Variants in IFT172 observed in about 807,000 individuals in gnomAD.
IFT172 encodes the protein intraflagellar transport protein 172 homolog.
A neutral mutation model predicts 248.9 loss-of-function variants in IFT172; 164 were observed. That is an observed-to-expected ratio of 0.66 (90% CI 0.58 to 0.75). The LOEUF (loss-of-function observed/expected upper bound fraction) is 0.75. Among genes scored for constraint, IFT172 ranks in the 30% least tolerant of loss-of-function variants. The probability of loss-of-function intolerance (pLI) is 0.00; values close to 1 mark genes in which losing one functional copy is unlikely to be tolerated. For synonymous variants in IFT172, 729 were observed against 791.6 expected (o/e 0.92, Z 1.33); for missense variants, 1,950 against 2,192.4 (o/e 0.89, Z 2.21).
At chr2:27,465,973 CA>C in intron 16 of IFT172, 91 bp from the exon 17 acceptor site, 1 of 1,480,768 alleles carries the variant, frequency 6.8e-7, no homozygotes, top group Non-Finnish European at 9.4e-7. Context: ...CCGACCCAGT[CA>C]GTGGTCAAGA....
chr2:27,479,218 G>A (rs1355723133), intron 10 of IFT172, among the ~76,000 whole-genome samples: 1 of 152,086 alleles, frequency 6.6e-6, no homozygotes, highest in Non-Finnish European at 1.5e-5. Context: ...TATTAGCCAG[G>A]ATGGTCTCAA....
chr2:27,486,930 T>C (rs1668804666), intron 1 of IFT172, among the ~76,000 whole-genome samples: 1 of 152,018 alleles, frequency 6.6e-6, no homozygotes, highest in Non-Finnish European at 1.5e-5. Flanking sequence ...AGCACAACTA[T>C]CTTTGTTCTA....
chr2:27,471,114 G>A lies in IFT172; in HGVS notation c.1525-19C>T, dbSNP rs764463970. On this transcript the variant is annotated intron_variant, in intron 15 of 47. Transcript: ENST00000260570. ...GATGCAACTGAAGAAAGAAAAGGCA[G>A]GTAACACAATTACAAGGGGATGTGG... The A allele has an allele frequency of 1.1e-4, 174 of 1,604,708 alleles. No individual in the cohort carries two copies. The highest frequency in any genetic ancestry group is 1.1e-4 in the Non-Finnish European group (131 of 1,177,652).
intron 7 of IFT172, among the ~76,000 whole-genome samples, chr2:27,483,008 T>TTG (rs1426982982): frequency 1.3e-5 from 2 of 150,112 alleles, no homozygotes; most frequent in Non-Finnish European, 1.5e-5. Flanking sequence ...CATCTTTTTT[T>TTG]TTTTTTTTTT....
chr2:27,481,408 G>A, intron 7 of IFT172, 148 bp from the exon 8 acceptor site: 4 of 618,350 alleles, frequency 6.5e-6, no homozygotes, highest in South Asian at 3.8e-5. Flanking sequence ...TCCTAATCCT[G>A]AACTCTTCAC....
chr2:27,481,924 C>A (rs1210162209), intron 7 of IFT172, among the ~76,000 whole-genome samples: 2 of 151,728 alleles, frequency 1.3e-5, no homozygotes, highest in African/African-American at 4.8e-5. Context: ...TCTGGGCCCA[C>A]AAAGAGCATA....
Position 27,453,417 on chromosome 2 carries a change from T to G in IFT172, c.3918A>C (p.Gly1306=). The change falls in exon 35 of 48, where the codon GGA becomes GGC. Residue 1306 remains glycine, a synonymous_variant. Coordinates refer to ENST00000260570, the MANE Select transcript of IFT172 (RefSeq NM_015662.3). ...VDCYLKVRDS[G]NSGLAEKCWM... ...AGCACTTCTCCGCCAGGCCGCTGTTTCCAGAGTCTCGCACTTTGAGGTAGC... is the reference window on the plus strand; with the variant it reads ...AGCACTTCTCCGCCAGGCCGCTGTTGCCAGAGTCTCGCACTTTGAGGTAGC... The G allele has an allele frequency of 6.2e-7, 1 of 1,614,226 alleles. No individual in the cohort carries two copies. Among genetic ancestry groups the G allele is most frequent in the Non-Finnish European group, 8.5e-7 (1 of 1,180,032 alleles).
intron 1 of IFT172, among the ~76,000 whole-genome samples, chr2:27,486,783 G>A (rs952610346): frequency 1.3e-5 from 2 of 152,146 alleles, no homozygotes; most frequent in Non-Finnish European, 2.9e-5. Flanking sequence ...ATCTTATTTT[G>A]AGAGACTGAA....
At position 27,459,749 on chromosome 2, in the gene IFT172, T is replaced by C. The variant is rs571708583; in HGVS notation, c.2602A>G (p.Lys868Glu). ...TGATTAATGGCTGCATCAAGCTGCT[T>C]CTGCTGCACCAGGTGGTCCCCCCAT... ...EAWGDHLVQQ[K>E]QLDAAINHYI... The change falls in exon 24 of 48, where the codon AAG (lysine) becomes GAG (glutamate). Residue 868 changes from lysine (K) to glutamate (E), a missense_variant. Lys to Glu is a moderately conservative substitution (Grantham distance 56). Around this residue, in one of 3 missense-constraint regions of IFT172, gnomAD observed 1,166 missense variants for 1,254.1 expected, o/e 0.93. Coordinates refer to ENST00000260570, the MANE Select transcript of IFT172 (RefSeq NM_015662.3). 6 of 1,613,100 alleles carry C rather than the reference T, an allele frequency of 3.7e-6. No homozygotes were observed. In the South Asian group the frequency reaches 6.6e-5, roughly 18 times the overall value.
intron 23 of IFT172, 57 bp from the exon 24 acceptor site, chr2:27,459,886 A>G (rs1666509410): frequency 6.3e-7 from 1 of 1,597,272 alleles, no homozygotes; most frequent in Non-Finnish European, 8.5e-7. Context: ...CCTCAGGAAA[A>G]AGGTAGGACA....
intron 15 of IFT172, among the ~76,000 whole-genome samples, chr2:27,471,447 GAA>G (rs1409502164): frequency 6.6e-6 from 1 of 152,192 alleles, no homozygotes; most frequent in Admixed American, 6.5e-5. Flanking sequence ...TCACTGAAAT[GAA>G]AAGTCATCAG....
At position 27,486,643 on chromosome 2, in the gene IFT172, A is replaced by C. The variant is rs77163241; in HGVS notation, c.40-1140T>G. ...ACCAGAAAATAGCCACACCACCATCACTATGATCCTCTAACTCTTCATTAT... is the reference window on the plus strand; with the variant it reads ...ACCAGAAAATAGCCACACCACCATCCCTATGATCCTCTAACTCTTCATTAT... On this transcript the variant is annotated intron_variant, in intron 1 of 47. Transcript: ENST00000260570. Among the ~76,000 whole-genome samples the C allele has an allele frequency of 3.9e-3, 594 of 152,256 alleles. 2 individuals are homozygous for C. The highest frequency in any genetic ancestry group is 0.024 in the Middle Eastern group (7 of 294).
intron 16 of IFT172, chr2:27,466,104 G>T: frequency 1.8e-6 from 1 of 559,558 alleles, no homozygotes; most frequent in Non-Finnish European, 3.2e-6. Context: ...AACTCTTGGA[G>T]GTATAAAGTG....
At chr2:27,451,189 A>G (rs1007747068) in intron 35 of IFT172, among the ~76,000 whole-genome samples, 1 of 152,036 alleles carries the variant, frequency 6.6e-6, no homozygotes, top group Non-Finnish European at 1.5e-5. Context: ...ACACAATCCA[A>G]TTTCACTGTA....
Position 27,453,394 on chromosome 2 carries a change from C to T in IFT172, c.3941G>A (p.Cys1314Tyr), listed in dbSNP as rs746055848. The change falls in exon 35 of 48, where the codon TGC becomes TAC. Residue 1314 changes from cysteine (C) to tyrosine (Y), a missense_variant. Physicochemically the swap from Cys to Tyr is radical, Grantham distance 194. Around this residue, in one of 3 missense-constraint regions of IFT172, gnomAD observed 620 missense variants for 699.0 expected, o/e 0.89. Transcript: ENST00000260570. ...GCCTGCTGTCCTCACCTTCATCCAG[C>T]ACTTCTCCGCCAGGCCGCTGTTTCC... ...DSGNSGLAEKCWMKAAELSIK... is the reference protein window; with the variant it reads ...DSGNSGLAEKYWMKAAELSIK... The T allele has an allele frequency of 1.9e-6, 3 of 1,614,240 alleles. No individual in the cohort carries two copies. The South Asian group carries it at 3.3e-5, about 18-fold the overall frequency.
At chr2:27,447,118 C>T (rs1181194550) in intron 42 of IFT172, among the ~76,000 whole-genome samples, 1 of 152,210 alleles carries the variant, frequency 6.6e-6, no homozygotes, top group Non-Finnish European at 1.5e-5. Flanking sequence ...GCTGGGATTA[C>T]AGGGGTGAGC....
intron 1 of IFT172, 82 bp from the exon 2 acceptor site, chr2:27,485,585 T>C: frequency 6.7e-7 from 1 of 1,491,320 alleles, no homozygotes; most frequent in East Asian, 2.3e-5. Context: ...AATTCTAGTG[T>C]AATACTGGTC....
At position 27,453,353 on chromosome 2, in the gene IFT172, A is replaced by T. The variant is rs1354738205; in HGVS notation, c.3951+31T>A. 5 of 1,613,954 alleles carry T rather than the reference A, an allele frequency of 3.1e-6. No individual in the cohort carries two copies. The East Asian group carries it at 8.9e-5, about 29-fold the overall frequency. On this transcript the variant is annotated intron_variant, in intron 35 of 47. Coordinates refer to ENST00000260570, the MANE Select transcript of IFT172 (RefSeq NM_015662.3). ...AAGTGTGAATAGAGGCCTAGGGAGAAGGAGGGCCAGAAAGGGCCTGCTGTC... is the reference window on the plus strand; with the variant it reads ...AAGTGTGAATAGAGGCCTAGGGAGATGGAGGGCCAGAAAGGGCCTGCTGTC...
In IFT172 at chr2:27,445,264, C is replaced by T. The variant is rs1327796324; in HGVS notation, c.5068+32G>A. ...ATTGATCCTGCTGCTTTCTACCCAC[C>T]ACAGGATCTGGGGTGCTGTAGGCTT... On this transcript the variant is annotated intron_variant, in intron 46 of 47. Coordinates refer to ENST00000260570, the MANE Select transcript of IFT172 (RefSeq NM_015662.3). The surrounding 1 kb of genome is among the most constrained non-coding windows in gnomAD (Gnocchi z 4.4). 2 of 1,596,830 alleles carry T rather than the reference C, an allele frequency of 1.3e-6. No individual in the cohort carries two copies. Among genetic ancestry groups the T allele is most frequent in the African/African-American group, 1.3e-5 (1 of 74,500 alleles).
Sources: gnomAD v4.1 joint callset for allele counts (sites outside exome capture counted in the v4.1 genomes callset) on GRCh38, gnomAD v4.1.1 for gene constraint, gnomAD v4.1.1 regional missense constraint, Gnocchi (gnomAD v3.1) non-coding constraint, MANE v1.5 for transcripts, NCBI Gene and HGNC (gene_info 2026-07-23, HGNC 2026-07-21) for gene names.